The following ZMPSTE24 variants were observed in gnomAD, a reference collection of about 807,000 sequenced individuals.
ZMPSTE24 encodes the protein zinc metallopeptidase STE24, also known as CAAX prenyl protease 1 homolog.
ZMPSTE24 carries 48 observed loss-of-function variants against 56.7 expected under a neutral mutation model. The ratio of observed to expected loss-of-function variants is 0.85; its 90% CI spans 0.67 to 1.08. The LOEUF (loss-of-function observed/expected upper bound fraction) is 1.08, where lower values mean the gene tolerates loss of function less well. Ranked by LOEUF, ZMPSTE24 falls within the 50% of genes least tolerant of loss-of-function variation. ZMPSTE24 has a pLI of 0.00. For missense variants in ZMPSTE24, 503 were observed against 548.7 expected, an observed-to-expected ratio of 0.92 and a Z score of 0.83; for synonymous variants, 172 against 195.2, an observed-to-expected ratio of 0.88 and a Z score of 0.99.
intron 1 of ZMPSTE24, among the ~76,000 whole-genome samples, chr1:40,258,917 G>T (rs965097810): frequency 6.6e-6 from 1 of 152,072 alleles, no homozygotes; most frequent in Non-Finnish European, 1.5e-5. Context: ...CAGCACTTTG[G>T]GAGGCCGAGG....
chr1:40,289,458 ACT>A (rs1387742114), intron 8 of ZMPSTE24, among the ~76,000 whole-genome samples: 2 of 152,172 alleles, frequency 1.3e-5, no homozygotes, highest in Admixed American at 1.3e-4. Context: ...AGTGTAGGAG[ACT>A]TCACTGAGTT....
chr1:40,289,312 G>C (rs1051146666), intron 8 of ZMPSTE24, among the ~76,000 whole-genome samples: 1 of 152,236 alleles, frequency 6.6e-6, no homozygotes, highest in Non-Finnish European at 1.5e-5. Flanking sequence ...ACCCAGTTCA[G>C]AAGGGATAGT....
intron 9 of ZMPSTE24, among the ~76,000 whole-genome samples, chr1:40,291,304 C>G (rs1240187177): frequency 6.6e-6 from 1 of 152,178 alleles, no homozygotes; most frequent in Non-Finnish European, 1.5e-5. Context: ...CACATATTCA[C>G]CAGTGCTTGG....
At chr1:40,284,356 A>G (rs950002744) in intron 7 of ZMPSTE24, among the ~76,000 whole-genome samples, 1 of 151,956 alleles carries the variant, frequency 6.6e-6, no homozygotes, top group African/African-American at 2.4e-5. Context: ...CTTTCTCTTT[A>G]TATAATTTAT....
chr1:40,277,014 A>G (rs1243368150), intron 6 of ZMPSTE24, among the ~76,000 whole-genome samples: 2 of 151,538 alleles, frequency 1.3e-5, no homozygotes, highest in African/African-American at 4.9e-5. Context: ...AAATGTCATT[A>G]TGCGGTACAT....
rs1192651665 is a variant in ZMPSTE24, at chr1:40,273,557, T to A, written c.769+1522T>A. Among the ~76,000 whole-genome samples the A allele has an allele frequency of 1.6e-3, 172 of 110,304 alleles. 6 individuals carry two copies. The highest frequency in any genetic ancestry group is 8.3e-3 in the East Asian group (31 of 3,718). The allele number at this position is 110,304 out of a possible 152,430, so 72.4% of individuals were successfully genotyped here. On this transcript the variant is annotated intron_variant, in intron 6 of 9. Coordinates refer to ENST00000372759, the MANE Select transcript of ZMPSTE24 (RefSeq NM_005857.5). ...AAAAAAATATATATATATATATATATATATATATATATGTCAGACATTTAG... is the reference window on the plus strand; with the variant it reads ...AAAAAAATATATATATATATATATAAATATATATATATGTCAGACATTTAG...
At chr1:40,290,241 C>T (rs1034520353) in intron 8 of ZMPSTE24, among the ~76,000 whole-genome samples, 28 of 150,728 alleles carry the variant, frequency 1.9e-4, no homozygotes, top group African/African-American at 6.3e-4. Flanking sequence ...AAAAATTAGC[C>T]GGGCATGGTG....
chr1:40,267,635 G>A, intron 2 of ZMPSTE24, 151 bp from the exon 3 acceptor site: 2 of 568,000 alleles, frequency 3.5e-6, no homozygotes, highest in South Asian at 3.8e-5. Context: ...CTCCCAAAGT[G>A]CTGGGATTAC....
In ZMPSTE24 at chr1:40,260,988, G is replaced by T. The variant is rs1557772520; in HGVS notation, c.270+3G>T. 1 of 1,614,066 alleles carries T rather than the reference G, an allele frequency of 6.2e-7. No individual in the cohort carries two copies. Among genetic ancestry groups the T allele is most frequent in the Non-Finnish European group, 8.5e-7 (1 of 1,180,006 alleles). On this transcript the variant is annotated splice_donor_region_variant and intron_variant, in intron 2 of 9. Coordinates refer to ENST00000372759, the MANE Select transcript of ZMPSTE24 (RefSeq NM_005857.5). Reference sequence around the variant, plus strand: ...TCTATTCAGAGACTGAAGGCACTGTGAGTAATTTACTTCTTGGAGAGACAG... The same window carrying T: ...TCTATTCAGAGACTGAAGGCACTGTTAGTAATTTACTTCTTGGAGAGACAG...
chr1:40,273,537 A>AAAAAAATATATAT (rs1224234676), intron 6 of ZMPSTE24, among the ~76,000 whole-genome samples: 4 of 12,390 alleles, frequency 3.2e-4, no homozygotes, highest in Non-Finnish European at 4.0e-4. Context: ...AAAAAAAAAA[A>AAAAAAATATATAT]ATATATATAT....
Position 40,288,500 on chromosome 1 carries a change from T to C in ZMPSTE24, c.1060-2354T>C, listed in dbSNP as rs534534923. 4.6e-5 allele frequency among the ~76,000 whole-genome samples: 7 copies of C among 152,358 alleles called. No homozygotes were observed. In the East Asian group the frequency reaches 1.3e-3, roughly 29 times the overall value. On this transcript the variant is annotated intron_variant, in intron 8 of 9. Transcript: ENST00000372759. The stretch of plus-strand genomic sequence containing the variant: ...GGGATTGATTGCTTCTCTGGACAGA[T>C]TGGGCATATGGCATGCGCCAGTGAG...
Position 40,285,987 on chromosome 1 carries a change from C to G in ZMPSTE24, c.1017C>G (p.His339Gln). 1 of 1,613,814 alleles carries G rather than the reference C, an allele frequency of 6.2e-7. No homozygotes were observed. Among genetic ancestry groups the G allele is most frequent in the South Asian group, 1.1e-5 (1 of 91,068 alleles). ...VLAVLGHELG[H>Q]WKLGHTVKNI... ...CTGTACTAGGCCATGAACTGGGGCA[C>G]TGGAAGTTGGGACATACAGTCAAAA... The change falls in exon 8 of 10, where the codon CAC becomes CAG. Residue 339 changes from histidine to glutamine, a missense_variant. Physicochemically the swap from His to Gln is conservative, Grantham distance 24. Transcript: ENST00000372759.
intron 6 of ZMPSTE24, among the ~76,000 whole-genome samples, chr1:40,277,422 C>G (rs912939869): frequency 1.4e-4 from 21 of 152,098 alleles, no homozygotes; most frequent in African/African-American, 4.6e-4. Context: ...AAAAGTCCCT[C>G]GAGAGTTTGT....
In ZMPSTE24 at chr1:40,279,600, C is replaced by G. The variant is rs546477949; in HGVS notation, c.770-1743C>G. 1.4e-4 allele frequency among the ~76,000 whole-genome samples: 22 copies of G among 152,242 alleles called. No individual in the cohort carries two copies. In the South Asian group the frequency reaches 2.7e-3, roughly 19 times the overall value. ...TTGAGATGCTTGAATAAGTGGTAGT[C>G]AGTTGGCAAGAGGTCAGGTGAATGT... On this transcript the variant is annotated intron_variant, in intron 6 of 9. Transcript: ENST00000372759.
At chr1:40,285,773 T>G (rs1643781010) in intron 7 of ZMPSTE24, 152 bp from the exon 8 acceptor site, 2 of 608,604 alleles carry the variant, frequency 3.3e-6, no homozygotes, top group African/African-American at 3.7e-5. Context: ...TGTGGAGCAG[T>G]GGTTCAGGGA....
chr1:40,284,484 G>A (rs1191422624), intron 7 of ZMPSTE24, among the ~76,000 whole-genome samples: 2 of 151,894 alleles, frequency 1.3e-5, no homozygotes, highest in Non-Finnish European at 2.9e-5. Context: ...CCACACAGCG[G>A]CTCATGCCTG....
At chr1:40,287,643 C>A (rs1452848167) in intron 8 of ZMPSTE24, among the ~76,000 whole-genome samples, 1 of 151,128 alleles carries the variant, frequency 6.6e-6, no homozygotes, top group East Asian at 2.0e-4. Context: ...CCAGTGCACT[C>A]CAGCCTGGGC....
intron 6 of ZMPSTE24, among the ~76,000 whole-genome samples, chr1:40,274,046 A>G (rs1208830865): frequency 6.6e-6 from 1 of 152,096 alleles, no homozygotes; most frequent in Non-Finnish European, 1.5e-5. Flanking sequence ...TGGGGGCAGC[A>G]TTTCAGACGT....
At chr1:40,260,300 A>G (rs887365547) in intron 1 of ZMPSTE24, among the ~76,000 whole-genome samples, 1 of 151,890 alleles carries the variant, frequency 6.6e-6, no homozygotes, top group Non-Finnish European at 1.5e-5. Context: ...GGCTCAAGGA[A>G]TCCTTCTGCC....
Sources: gnomAD v4.1 joint callset for allele counts (sites outside exome capture counted in the v4.1 genomes callset) on GRCh38, gnomAD v4.1.1 for gene constraint, MANE v1.5 for transcripts, NCBI Gene and HGNC (gene_info 2026-07-23, HGNC 2026-07-21) for gene names.